NXPH1: variants seen among roughly 807,000 people sequenced by gnomAD.
NXPH1 encodes the protein neurexophilin 1, also known as neurexophilin-1.
In NXPH1, 5 loss-of-function variants were observed where a neutral mutation model predicts 23.7. That is an observed-to-expected ratio of 0.21 (90% CI 0.11 to 0.44). The LOEUF is 0.44. Ranked by LOEUF, NXPH1 falls within the 20% of genes least tolerant of loss-of-function variation. NXPH1 has a pLI of 0.99. For synonymous variants in NXPH1, 144 were observed against 122.2 expected (o/e 1.18, Z -1.18); for missense variants, 324 against 321.6 (o/e 1.01, Z -0.06).
chr7:8,655,383 T>C (rs1272848371), intron 2 of NXPH1, among the ~76,000 whole-genome samples: 1 of 54,758 alleles, frequency 1.8e-5, no homozygotes, highest in Non-Finnish European at 3.7e-5. Context: ...AGTCTGTCTC[T>C]GTCTTTGTCT....
chr7:8,733,372 A>G (rs1780191700), intron 2 of NXPH1, among the ~76,000 whole-genome samples: 2 of 152,166 alleles, frequency 1.3e-5, no homozygotes, highest in African/African-American at 4.8e-5. Context: ...AGGATGATTT[A>G]TACTTCTTTG....
chr7:8,511,659 T>C (rs1013868), intron 2 of NXPH1, among the ~76,000 whole-genome samples: 106,450 of 152,038 alleles, frequency 0.7, 37,464 homozygotes, highest in African/African-American at 0.76. Flanking sequence ...CTGGCCCCAG[T>C]GAACTTGTAG....
intron 2 of NXPH1, among the ~76,000 whole-genome samples, chr7:8,573,431 C>A (rs912359531): frequency 3.3e-5 from 5 of 152,146 alleles, no homozygotes; most frequent in Admixed American, 6.5e-5. Flanking sequence ...AATAGATTAT[C>A]CCAATTTAGA....
chr7:8,685,563 A>C (rs962093692), intron 2 of NXPH1, among the ~76,000 whole-genome samples: 3 of 152,078 alleles, frequency 2.0e-5, no homozygotes, highest in Admixed American at 2.0e-4. Context: ...GCGCTACACA[A>C]AACATAGTGC....
At chr7:8,561,968 C>T (rs745889752) in intron 2 of NXPH1, among the ~76,000 whole-genome samples, 63 of 151,650 alleles carry the variant, frequency 4.2e-4, no homozygotes, top group Non-Finnish European at 5.9e-4. Flanking sequence ...ACGGTTACTA[C>T]GGTCAAACAA....
chr7:8,668,135 G>T (rs1215021098), intron 2 of NXPH1, among the ~76,000 whole-genome samples: 1 of 151,628 alleles, frequency 6.6e-6, no homozygotes, highest in Non-Finnish European at 1.5e-5. Context: ...TTTTCTTGAA[G>T]TGTTCCAGAC....
At chr7:8,478,352 G>C (rs1433117735) in intron 2 of NXPH1, among the ~76,000 whole-genome samples, 1 of 151,902 alleles carries the variant, frequency 6.6e-6, no homozygotes, top group Admixed American at 6.6e-5. Flanking sequence ...AAAATACCCA[G>C]CAATGAGGGG....
At chr7:8,688,628 T>C (rs904516027) in intron 2 of NXPH1, among the ~76,000 whole-genome samples, 27 of 152,178 alleles carry the variant, frequency 1.8e-4, no homozygotes, top group African/African-American at 6.5e-4. Context: ...TGTGTTGTAT[T>C]CAAATTAGAC....
intron 2 of NXPH1, among the ~76,000 whole-genome samples, chr7:8,728,653 G>T (rs1219103775): frequency 1.3e-5 from 2 of 150,418 alleles, no homozygotes; most frequent in African/African-American, 4.9e-5. Flanking sequence ...ATTGATTTGC[G>T]TATATTGAAC....
intron 2 of NXPH1, among the ~76,000 whole-genome samples, chr7:8,470,214 T>C (rs190825838): frequency 1.7e-3 from 256 of 152,254 alleles, no homozygotes; most frequent in Non-Finnish European, 3.1e-3. Flanking sequence ...TACACTGTAC[T>C]TTTATCGCTG....
At chr7:8,628,384 T>C (rs937170377) in intron 2 of NXPH1, among the ~76,000 whole-genome samples, 1 of 136,750 alleles carries the variant, frequency 7.3e-6, no homozygotes, top group African/African-American at 2.8e-5. Flanking sequence ...TTTTTTTTTT[T>C]TAGATAATGT....
intron 2 of NXPH1, among the ~76,000 whole-genome samples, chr7:8,619,983 T>A (rs972042440): frequency 1.3e-5 from 2 of 152,064 alleles, no homozygotes; most frequent in African/African-American, 4.8e-5. Context: ...CCAAATATGA[T>A]CTTGGCTCAT....
intron 2 of NXPH1, among the ~76,000 whole-genome samples, chr7:8,522,161 G>A (rs887237590): frequency 3.9e-5 from 6 of 152,202 alleles, no homozygotes; most frequent in African/African-American, 1.4e-4. Flanking sequence ...TATCACAGTT[G>A]ATTATTTGAA....
intron 2 of NXPH1, among the ~76,000 whole-genome samples, chr7:8,716,154 C>T (rs1193105982): frequency 6.6e-6 from 1 of 152,090 alleles, no homozygotes; most frequent in South Asian, 2.1e-4. Flanking sequence ...ATCCTTAAAA[C>T]TCCTTATGGC....
intron 2 of NXPH1, among the ~76,000 whole-genome samples, chr7:8,508,285 T>G (rs1287700126): frequency 6.6e-6 from 1 of 152,122 alleles, no homozygotes; most frequent in Non-Finnish European, 1.5e-5. Flanking sequence ...CTAACAAACT[T>G]TGATTGATTG....
At chr7:8,576,948 G>A (rs1163669824) in intron 2 of NXPH1, among the ~76,000 whole-genome samples, 1 of 151,956 alleles carries the variant, frequency 6.6e-6, no homozygotes, top group African/African-American at 2.4e-5. Flanking sequence ...ACTCTTTTAT[G>A]GTGAAAATTT....
At chr7:8,647,566 G>T (rs774102453) in intron 2 of NXPH1, among the ~76,000 whole-genome samples, 5 of 151,894 alleles carry the variant, frequency 3.3e-5, no homozygotes, top group Non-Finnish European at 7.4e-5. Context: ...GTTTGTAATT[G>T]TTTTTCTTGA....
chr7:8,664,376 C>G (rs1820727926), intron 2 of NXPH1, among the ~76,000 whole-genome samples: 1 of 152,116 alleles, frequency 6.6e-6, no homozygotes, highest in African/African-American at 2.4e-5. Flanking sequence ...CAACTGCTCA[C>G]TACCTAACCT....
At chr7:8,582,935 G>A (rs1818908837) in intron 2 of NXPH1, among the ~76,000 whole-genome samples, 2 of 152,166 alleles carry the variant, frequency 1.3e-5, no homozygotes. Flanking sequence ...GCAGCTGCAG[G>A]CCCACGCCAA....
Sources: allele counts gnomAD v4.1 joint callset (sites outside exome capture counted in the v4.1 genomes callset), GRCh38; gene constraint gnomAD v4.1.1; transcripts MANE v1.5; gene names NCBI Gene and HGNC (gene_info 2026-07-23, HGNC 2026-07-21).